The following MGAT4C variants were observed in gnomAD, a reference collection of about 807,000 sequenced individuals.
The protein encoded by MGAT4C is MGAT4 family member C.
In MGAT4C, 19 loss-of-function variants were observed where a neutral mutation model predicts 40.1. The ratio of observed to expected loss-of-function variants is 0.47; its 90% CI spans 0.33 to 0.70. MGAT4C has a LOEUF of 0.70. MGAT4C is among the 30% of genes least tolerant of loss of function. The probability of loss-of-function intolerance (pLI) is 0.02; values close to 1 mark genes in which losing one functional copy is unlikely to be tolerated. For synonymous variants in MGAT4C, 181 were observed against 187.1 expected, an observed-to-expected ratio of 0.97 and a Z score of 0.27; for missense variants, 491 against 563.2, an observed-to-expected ratio of 0.87 and a Z score of 1.30.
chr12:86,480,496 G>A (rs910697977), intron 2 of MGAT4C, among the ~76,000 whole-genome samples: 1 of 137,726 alleles, frequency 7.3e-6, no homozygotes, highest in African/African-American at 2.7e-5. Flanking sequence ...ATATAGATAT[G>A]TACACATATA....
intron 1 of MGAT4C, among the ~76,000 whole-genome samples, chr12:86,083,325 C>T (rs1200264878): frequency 6.6e-6 from 1 of 152,086 alleles, no homozygotes; most frequent in Admixed American, 6.6e-5. Flanking sequence ...CTCATTGATT[C>T]TCAGTACTGC....
chr12:86,762,368 T>C (rs1341040772), intron 1 of MGAT4C, among the ~76,000 whole-genome samples: 1 of 152,078 alleles, frequency 6.6e-6, no homozygotes, highest in Non-Finnish European at 1.5e-5. Flanking sequence ...TACACTCTTA[T>C]ATGGGGCTTA....
rs538641933 is a variant in MGAT4C at position 86,288,759 on chromosome 12, G to A, written c.-57+45306C>T. Among the ~76,000 whole-genome samples, 3 of 152,014 alleles carry A rather than the reference G, an allele frequency of 2.0e-5. No individual in the cohort carries two copies. In the South Asian group the frequency reaches 6.2e-4, roughly 32 times the overall value. ...TGTTCTTTGCCCTCTTTTTAATGGG[G>A]TTGTTTTTCCCTTGTAAATTTGTTT... On this transcript the variant is annotated intron_variant, in intron 4 of 7. Transcript: ENST00000548651.
At chr12:86,581,612 T>C (rs1960780722) in intron 2 of MGAT4C, among the ~76,000 whole-genome samples, 1 of 151,584 alleles carries the variant, frequency 6.6e-6, no homozygotes, top group African/African-American at 2.4e-5. Flanking sequence ...CTAACAAATT[T>C]TGAAATACAT....
chr12:86,416,205 T>C (rs1358225796), intron 3 of MGAT4C, among the ~76,000 whole-genome samples: 5 of 152,020 alleles, frequency 3.3e-5, no homozygotes, highest in Admixed American at 6.6e-5. Context: ...GTTGGAAGTA[T>C]TTTTTATTCA....
intron 1 of MGAT4C, among the ~76,000 whole-genome samples, chr12:86,755,787 A>G (rs1471042522): frequency 6.6e-6 from 1 of 151,590 alleles, no homozygotes; most frequent in African/African-American, 2.4e-5. Flanking sequence ...GCTGGGACTA[A>G]GTGCATGTGC....
At chr12:86,043,274 C>T (rs1020911593) in intron 2 of MGAT4C, among the ~76,000 whole-genome samples, 6 of 152,080 alleles carry the variant, frequency 3.9e-5, no homozygotes, top group Non-Finnish European at 5.9e-5. Context: ...CACAATAGGT[C>T]GTCTGCAAGC....
At chr12:86,760,387 G>GT (rs200239500) in intron 1 of MGAT4C, among the ~76,000 whole-genome samples, 1,769 of 150,224 alleles carry the variant, frequency 0.012, 16 homozygotes, top group Non-Finnish European at 0.019. Flanking sequence ...TTTTGTTTTT[G>GT]TTTTTTTTTG....
intron 4 of MGAT4C, among the ~76,000 whole-genome samples, chr12:86,301,229 G>C (rs1029825149): frequency 6.6e-6 from 1 of 152,122 alleles, no homozygotes. Context: ...CTTTGTAACT[G>C]AAAGAGTCTT....
intron 3 of MGAT4C, among the ~76,000 whole-genome samples, chr12:86,426,645 A>C (rs1329181603): frequency 2.0e-5 from 3 of 152,142 alleles, no homozygotes; most frequent in Non-Finnish European, 4.4e-5. Context: ...CATGACTACA[A>C]GTTCAAGATA....
chr12:86,037,795 G>A (rs1891393687), intron 2 of MGAT4C, among the ~76,000 whole-genome samples: 1 of 149,904 alleles, frequency 6.7e-6, no homozygotes, highest in Non-Finnish European at 1.5e-5. Context: ...TTCTGTCGAT[G>A]TATATTATAT....
intron 1 of MGAT4C, among the ~76,000 whole-genome samples, chr12:86,184,022 A>C (rs534239680): frequency 2.2e-4 from 33 of 152,310 alleles, no homozygotes; most frequent in Admixed American, 1.6e-3. Flanking sequence ...TTCCATGTGT[A>C]TATTCATATA....
intron 2 of MGAT4C, among the ~76,000 whole-genome samples, chr12:86,548,015 G>A (rs1048252193): frequency 3.9e-5 from 6 of 152,140 alleles, no homozygotes; most frequent in African/African-American, 1.4e-4. Flanking sequence ...TCCCACCTCC[G>A]GTAATTCTGT....
intron 1 of MGAT4C, among the ~76,000 whole-genome samples, chr12:86,804,694 A>C (rs1292242366): frequency 1.3e-5 from 2 of 151,968 alleles, no homozygotes; most frequent in Admixed American, 1.3e-4. Flanking sequence ...TTCTAAGTCA[A>C]ATTGTTAAGT....
At chr12:86,212,916 A>C (rs1215813822) in intron 1 of MGAT4C, among the ~76,000 whole-genome samples, 1 of 147,784 alleles carries the variant, frequency 6.8e-6, no homozygotes, top group East Asian at 2.0e-4. Context: ...AAAAAAAAAA[A>C]AAAAAGAACA....
chr12:86,680,406 A>AG, intron 2 of MGAT4C, among the ~76,000 whole-genome samples: 1 of 151,944 alleles, frequency 6.6e-6, no homozygotes, highest in Non-Finnish European at 1.5e-5. Context: ...TAAGAGAGAG[A>AG]AAAAAATGAC....
intron 4 of MGAT4C, among the ~76,000 whole-genome samples, chr12:86,270,233 A>G (rs1161787087): frequency 6.6e-6 from 1 of 151,906 alleles, no homozygotes; most frequent in Non-Finnish European, 1.5e-5. Flanking sequence ...TGCCCAGCTA[A>G]TTTTTGGCAC....
intron 1 of MGAT4C, among the ~76,000 whole-genome samples, chr12:86,230,033 G>T (rs540713100): frequency 2.6e-5 from 4 of 151,996 alleles, no homozygotes; most frequent in African/African-American, 9.7e-5. Flanking sequence ...GAAATACTGC[G>T]ATTGCTCCCC....
intron 2 of MGAT4C, among the ~76,000 whole-genome samples, chr12:86,559,783 A>T (rs1959779373): frequency 6.6e-6 from 1 of 152,052 alleles, no homozygotes; most frequent in African/African-American, 2.4e-5. Context: ...TGTTAGAAGG[A>T]AAGATTTAAA....
Sources: gnomAD v4.1 joint callset for allele counts (sites outside exome capture counted in the v4.1 genomes callset) on GRCh38, gnomAD v4.1.1 for gene constraint, MANE v1.5 for transcripts, NCBI Gene and HGNC (gene_info 2026-07-23, HGNC 2026-07-21) for gene names.